The following ATXN2 variants were observed in gnomAD, a reference collection of about 807,000 sequenced individuals.
ATXN2 encodes the protein ataxin 2.
A neutral mutation model predicts 138.6 loss-of-function variants in ATXN2; 37 were observed. The observed-to-expected ratio is 0.27, with a 90% CI of 0.21 to 0.35. The LOEUF is 0.35. ATXN2 is among the 10% of genes least tolerant of loss of function. The pLI, the probability that ATXN2 is intolerant of heterozygous loss-of-function variation, is 1.00. For synonymous variants in ATXN2, 549 were observed against 543.7 expected (o/e 1.01, Z -0.13); for missense variants, 1,216 against 1,480.3 (o/e 0.82, Z 2.93).
In ATXN2 at chr12:111,509,950, T is replaced by A. The variant is rs191400641; in HGVS notation, c.1805A>T (p.Asn602Ile). 519 of 1,613,272 alleles carry A rather than the reference T, an allele frequency of 3.2e-4. 3 individuals carry two copies. In the East Asian group the frequency reaches 0.011, roughly 33 times the overall value. The change falls in exon 13 of 25, where the codon AAT (asparagine) becomes ATT (isoleucine). Residue 602 changes from asparagine to isoleucine, a missense_variant. Transcript: ENST00000673436. Reference protein sequence around the residue: ...QDQRQNSPAGNKENIKPNETS... With the variant: ...QDQRQNSPAGIKENIKPNETS... ...TTCATTGGGTTTAATATTTTCTTTA[T>A]TCCCTGCAGGAGAGTTCTGCCTCTG...
chr12:111,527,060 T>C (rs931810244), intron 5 of ATXN2, among the ~76,000 whole-genome samples: 3 of 152,208 alleles, frequency 2.0e-5, no homozygotes, highest in Non-Finnish European at 4.4e-5. Context: ...TGAAAGCAAA[T>C]GTAGCATCCA....
In ATXN2 at chr12:111,552,723, T is replaced by C; in HGVS notation, c.420+183A>G. On this transcript the variant is annotated intron_variant, in intron 4 of 24. Coordinates refer to ENST00000673436, the MANE Select transcript of ATXN2 (RefSeq NM_001372574.1). This position sits in a 1 kb window ranked among gnomAD's most constrained non-coding sequence, Gnocchi z 4.1. Reference sequence around the variant, plus strand: ...TTAGCTCACAATGCTTAAAAATGGTTGAAATATTTTAATAAGCACACACAT... The same window carrying C: ...TTAGCTCACAATGCTTAAAAATGGTCGAAATATTTTAATAAGCACACACAT... 1.8e-6 allele frequency: 1 copy of C among 553,060 alleles called. No homozygotes were observed. Among genetic ancestry groups the C allele is most frequent in the Non-Finnish European group, 3.0e-6 (1 of 328,894 alleles). 34.3% of individuals were successfully genotyped at this position (553,060 alleles called of 1,614,324 possible).
chr12:111,592,067 A>AT (rs957069970), intron 1 of ATXN2, among the ~76,000 whole-genome samples: 9 of 143,934 alleles, frequency 6.3e-5, no homozygotes, highest in African/African-American at 2.4e-4. Context: ...GGGAAAGAGC[A>AT]AAACTGTCTC....
At chr12:111,501,016 C>T (rs937253386) in intron 14 of ATXN2, among the ~76,000 whole-genome samples, 2 of 152,028 alleles carry the variant, frequency 1.3e-5, no homozygotes, top group African/African-American at 4.8e-5. Flanking sequence ...ACAATTGCAA[C>T]GTTCATTACA....
At chr12:111,510,676 A>T in intron 11 of ATXN2, 94 bp from the exon 12 acceptor site, 1 of 1,190,688 alleles carries the variant, frequency 8.4e-7, no homozygotes, top group Non-Finnish European at 1.2e-6. Flanking sequence ...TAGGTAAATA[A>T]AACTGTCCTC....
At position 111,452,858 on chromosome 12, in the gene ATXN2, AAC is replaced by A. The variant is rs1312187504; in HGVS notation, c.3440-20_3440-19del. On this transcript the variant is annotated intron_variant, in intron 24 of 24. Transcript: ENST00000673436. ...GGCTTGTACTGTAAAAAGAAAAGCG[AAC>A]ATTGAAACAGAAAACTGGCAACACC... 6.2e-7 allele frequency: 1 copy of A among 1,605,930 alleles called. No individual in the cohort carries two copies. Among genetic ancestry groups the A allele is most frequent in the Non-Finnish European group, 8.5e-7 (1 of 1,176,132 alleles).
intron 5 of ATXN2, among the ~76,000 whole-genome samples, chr12:111,527,691 C>T (rs1880574214): frequency 6.6e-6 from 1 of 152,158 alleles, no homozygotes; most frequent in African/African-American, 2.4e-5. Context: ...AGCAGCAGGA[C>T]TCAGCTGGGG....
rs140277173 is a variant in ATXN2 at position 111,541,776 on chromosome 12, GAT to G, written c.571+10502_571+10503del. On this transcript the variant is annotated intron_variant, in intron 5 of 24. Coordinates refer to ENST00000673436, the MANE Select transcript of ATXN2 (RefSeq NM_001372574.1). ...CATTTTGTCAATTTCTACAAAAACG[GAT>G]ATATATATATATATTATAAAAATTT... 2.4e-4 allele frequency among the ~76,000 whole-genome samples: 35 copies of G among 144,408 alleles called. 1 individual carries two copies. The highest frequency in any genetic ancestry group is 6.6e-4 in the South Asian group (3 of 4,550). The allele number at this position is 144,408 out of a possible 152,430, so 94.7% of individuals were successfully genotyped here.
chr12:111,570,016 C>T (rs989712362), intron 1 of ATXN2, among the ~76,000 whole-genome samples: 2 of 152,144 alleles, frequency 1.3e-5, no homozygotes, highest in Non-Finnish European at 2.9e-5. Context: ...ATTAGTATGG[C>T]TGAGGAACTG....
chr12:111,592,099 G>C (rs1419116673), intron 1 of ATXN2, among the ~76,000 whole-genome samples: 2 of 147,582 alleles, frequency 1.4e-5, no homozygotes, highest in Non-Finnish European at 1.5e-5. Flanking sequence ...AAACACCTTA[G>C]CTCATGAGGC....
At chr12:111,458,145 T>A (rs1875261632) in intron 21 of ATXN2, 1 of 150,092 alleles carries the variant, frequency 6.7e-6, no homozygotes, top group Non-Finnish European at 1.5e-5. Context: ...TCTTTCAGTT[T>A]TTTGTTTTTT....
chr12:111,552,375 G>A lies in ATXN2; in HGVS notation c.476C>T (p.Pro159Leu), dbSNP rs752356805. Residue 159 changes from proline to leucine, a missense_variant, in exon 5 of 25, where the codon CCG becomes CTG. Pro to Leu is a moderately conservative substitution (Grantham distance 98). Coordinates refer to ENST00000673436, the MANE Select transcript of ATXN2 (RefSeq NM_001372574.1). The surrounding 1 kb of genome is among the most constrained non-coding windows in gnomAD (Gnocchi z 4.1). Reference protein sequence around the residue: ...HEKSTESSSGPKREEIMESIL... With the variant: ...HEKSTESSSGLKREEIMESIL... ...ACTCTCCATTATTTCTTCACGTTTC[G>A]GCCCCGAACTGGATTCTGTACTTTT... The A allele has an allele frequency of 6.8e-6, 11 of 1,613,482 alleles. No individual in the cohort carries two copies. The highest frequency in any genetic ancestry group is 3.3e-5 in the Admixed American group (2 of 59,910).
chr12:111,540,282 T>C (rs1881425445), intron 5 of ATXN2, among the ~76,000 whole-genome samples: 1 of 150,638 alleles, frequency 6.6e-6, no homozygotes, highest in Non-Finnish European at 1.5e-5. Flanking sequence ...GTAAGTATAT[T>C]AGCATTACAC....
At chr12:111,499,975 C>T (rs989943921) in intron 14 of ATXN2, among the ~76,000 whole-genome samples, 1 of 152,138 alleles carries the variant, frequency 6.6e-6, no homozygotes. Flanking sequence ...ATGCTGGTAA[C>T]GATGTGGATA....
At chr12:111,515,906 A>C (rs1269835276) in intron 10 of ATXN2, among the ~76,000 whole-genome samples, 1 of 152,206 alleles carries the variant, frequency 6.6e-6, no homozygotes, top group Non-Finnish European at 1.5e-5. Context: ...GGCTGTAAAG[A>C]AGCATAATTA....
At chr12:111,585,801 CAAAAAAAAAAA>C (rs761433806) in intron 1 of ATXN2, among the ~76,000 whole-genome samples, 2,029 of 24,782 alleles carry the variant, frequency 0.082, 76 homozygotes, top group African/African-American at 0.12. Context: ...AACTCCATCT[CAAAAAAAAAAA>C]AAAAAAAAAA....
At chr12:111,461,870 C>T (rs1054696480) in intron 21 of ATXN2, among the ~76,000 whole-genome samples, 6 of 150,630 alleles carry the variant, frequency 4.0e-5, no homozygotes, top group African/African-American at 1.2e-4. Context: ...TGCAGTGAGC[C>T]GAGATCGCAC....
chr12:111,561,693 G>A (rs866473881), intron 1 of ATXN2, among the ~76,000 whole-genome samples: 23 of 151,996 alleles, frequency 1.5e-4, no homozygotes, highest in African/African-American at 3.9e-4. Context: ...AATTAGCCAC[G>A]TGTGGTGGCA....
At chr12:111,566,703 C>G (rs1883030214) in intron 1 of ATXN2, among the ~76,000 whole-genome samples, 1 of 151,088 alleles carries the variant, frequency 6.6e-6, no homozygotes, top group African/African-American at 2.4e-5. Context: ...AGGGCACAAT[C>G]TCAACTCACT....
Sources: allele counts gnomAD v4.1 joint callset (sites outside exome capture counted in the v4.1 genomes callset), GRCh38; gene constraint gnomAD v4.1.1; non-coding constraint Gnocchi (gnomAD v3.1); transcripts MANE v1.5; gene names NCBI Gene and HGNC (gene_info 2026-07-23, HGNC 2026-07-21).